BLTP3B: variants seen among roughly 807,000 people sequenced by gnomAD.
The protein encoded by BLTP3B is UHRF1 (ICBP90) binding protein 1-like.
At chr12:100,133,866 G>A in the BLTP3B span, among the ~76,000 whole-genome samples, 1 of 152,144 alleles carries the variant, frequency 6.6e-6, no homozygotes. Flanking sequence ...CAGTACGATA[G>A]CTTGAGAAAG....
At chr12:100,037,755 G>C in the BLTP3B span, 3 of 1,592,002 alleles carry the variant, frequency 1.9e-6, no homozygotes, top group Admixed American at 5.7e-5. Flanking sequence ...TCTTCCATGA[G>C]CTGAAATGAT....
At chr12:100,104,196 C>CT in the BLTP3B span, among the ~76,000 whole-genome samples, 334 of 144,024 alleles carry the variant, frequency 2.3e-3, 2 homozygotes, top group African/African-American at 8.2e-3. Context: ...ATTGTAAGTT[C>CT]TTTTTTTCTT....
At chr12:100,079,292 G>A in the BLTP3B span, among the ~76,000 whole-genome samples, 1 of 152,184 alleles carries the variant, frequency 6.6e-6, no homozygotes, top group African/African-American at 2.4e-5. Context: ...GGAATTTCCT[G>A]AGACTTGTTG....
At chr12:100,082,847 A>G in the BLTP3B span, among the ~76,000 whole-genome samples, 17 of 152,344 alleles carry the variant, frequency 1.1e-4, no homozygotes, top group East Asian at 2.9e-3. Context: ...TAACTGAGTA[A>G]CCATATAATC....
the BLTP3B span, among the ~76,000 whole-genome samples, chr12:100,049,661 A>G: frequency 6.6e-6 from 1 of 152,174 alleles, no homozygotes; most frequent in Non-Finnish European, 1.5e-5. Flanking sequence ...TAAATATTTC[A>G]AAATTCAAAT....
the BLTP3B span, chr12:100,059,500 G>A: frequency 3.7e-6 from 6 of 1,604,580 alleles, no homozygotes; most frequent in Non-Finnish European, 5.1e-6. Context: ...TGATCTTGAT[G>A]ACATTCAGAT....
chr12:100,101,520 T>C, the BLTP3B span, among the ~76,000 whole-genome samples: 2 of 152,236 alleles, frequency 1.3e-5, no homozygotes, highest in African/African-American at 2.4e-5. Flanking sequence ...TAAAAATCTA[T>C]GTCAACAATT....
the BLTP3B span, chr12:100,083,064 T>G: frequency 2.5e-6 from 4 of 1,613,862 alleles, no homozygotes; most frequent in Middle Eastern, 1.7e-4. Flanking sequence ...AACTAGACAT[T>G]AGCTTAGCTT....
chr12:100,041,769 G>A, the BLTP3B span, among the ~76,000 whole-genome samples: 1 of 151,952 alleles, frequency 6.6e-6, no homozygotes, highest in African/African-American at 2.4e-5. Flanking sequence ...TTGTTTTAGA[G>A]GTTCTAACCT....
At chr12:100,078,218 A>G in the BLTP3B span, among the ~76,000 whole-genome samples, 2 of 152,036 alleles carry the variant, frequency 1.3e-5, no homozygotes, top group African/African-American at 2.4e-5. Context: ...TGGTTGATTA[A>G]AAGTATGTGG....
chr12:100,096,562 T>C, the BLTP3B span, among the ~76,000 whole-genome samples: 1 of 151,892 alleles, frequency 6.6e-6, no homozygotes, highest in Non-Finnish European at 1.5e-5. Flanking sequence ...CTCACACCTA[T>C]AATACCAGCA....
chr12:100,111,940 C>T, the BLTP3B span, among the ~76,000 whole-genome samples: 30 of 151,968 alleles, frequency 2.0e-4, no homozygotes, highest in Non-Finnish European at 3.8e-4. Context: ...CAGGGACTCA[C>T]TATGTTGCTC....
chr12:100,139,506 C>T, the BLTP3B span, among the ~76,000 whole-genome samples: 2 of 152,180 alleles, frequency 1.3e-5, no homozygotes, highest in African/African-American at 4.8e-5. Context: ...ATATAAACCC[C>T]TGTAAGAACT....
chr12:100,081,267 G>A, the BLTP3B span, among the ~76,000 whole-genome samples: 1 of 152,144 alleles, frequency 6.6e-6, no homozygotes, highest in South Asian at 2.1e-4. Flanking sequence ...TCCTATGGCT[G>A]GTTGTAATTT....
At chr12:100,115,346 C>T in the BLTP3B span, among the ~76,000 whole-genome samples, 1 of 152,186 alleles carries the variant, frequency 6.6e-6, no homozygotes, top group Non-Finnish European at 1.5e-5. Context: ...GCAGAGGTTG[C>T]AGTGAGCTGA....
the BLTP3B span, chr12:100,047,934 T>G: frequency 4.8e-6 from 7 of 1,457,670 alleles, no homozygotes. Flanking sequence ...AAATTATTTA[T>G]TAACATACTT....
chr12:100,128,660 T>C, the BLTP3B span: 2 of 1,288,540 alleles, frequency 1.6e-6, no homozygotes, highest in Non-Finnish European at 2.0e-6. Flanking sequence ...TAGACTCCTC[T>C]GGTACTCATT....
chr12:100,097,572 T>A, the BLTP3B span: 1 of 1,480,144 alleles, frequency 6.8e-7, no homozygotes, highest in Non-Finnish European at 9.1e-7. Flanking sequence ...TGTAGATTTT[T>A]AAAAACAAAG....
the BLTP3B span, among the ~76,000 whole-genome samples, chr12:100,061,423 C>T: frequency 2.7e-4 from 41 of 152,092 alleles, no homozygotes; most frequent in African/African-American, 9.4e-4. Flanking sequence ...TTTGGGAGGC[C>T]GAGGCGGGTG....
Sources: gnomAD v4.1 joint callset for allele counts (sites outside exome capture counted in the v4.1 genomes callset) on GRCh38, gnomAD v4.1.1 for gene constraint, MANE v1.5 for transcripts, NCBI Gene and HGNC (gene_info 2026-07-23, HGNC 2026-07-21) for gene names.